TET2: variants seen among roughly 807,000 people sequenced by gnomAD.
The protein encoded by TET2 is tet methylcytosine dioxygenase 2, also known as methylcytosine dioxygenase TET2.
TET2 carries 299 observed loss-of-function variants against 142.9 expected under a neutral mutation model. The observed-to-expected ratio is 2.09, with a 90% CI of 1.90 to 2.30. TET2 has a LOEUF of 2.30. Among genes scored for constraint, TET2 ranks in the 30% most tolerant of loss-of-function variants. TET2 has a pLI of 0.00. For missense variants in TET2, 2,418 were observed against 2,378.0 expected (o/e 1.02, Z -0.35); for synonymous variants, 819 against 849.0 (o/e 0.96, Z 0.61).
intron 2 of TET2, among the ~76,000 whole-genome samples, chr4:105,220,551 C>T (rs1041545554): frequency 6.6e-6 from 1 of 152,140 alleles, no homozygotes; most frequent in African/African-American, 2.4e-5. Flanking sequence ...TCCCCCTCTA[C>T]CGTGAGCACC....
chr4:105,175,337 C>A (rs1724722576), intron 1 of TET2, among the ~76,000 whole-genome samples: 1 of 151,768 alleles, frequency 6.6e-6, no homozygotes, highest in Non-Finnish European at 1.5e-5. Context: ...AAATGACATA[C>A]AAGAACAGAT....
intron 1 of TET2, among the ~76,000 whole-genome samples, chr4:105,162,318 A>C (rs1723897277): frequency 6.6e-6 from 1 of 152,198 alleles, no homozygotes; most frequent in Admixed American, 6.5e-5. Flanking sequence ...GTTGTTTATC[A>C]GTGGGATACA....
intron 1 of TET2, among the ~76,000 whole-genome samples, chr4:105,166,012 T>C (rs1724132198): frequency 6.6e-6 from 1 of 152,200 alleles, no homozygotes; most frequent in Admixed American, 6.5e-5. Flanking sequence ...TCCATATCAT[T>C]ACTTCTTATT....
At chr4:105,184,836 T>G (rs186311788) in intron 1 of TET2, among the ~76,000 whole-genome samples, 1 of 152,234 alleles carries the variant, frequency 6.6e-6, no homozygotes. Context: ...AACTCCAGTC[T>G]CATCCCATTT....
chr4:105,203,262 T>C (rs1036934589), intron 2 of TET2, among the ~76,000 whole-genome samples: 3 of 152,214 alleles, frequency 2.0e-5, no homozygotes, highest in Non-Finnish European at 2.9e-5. Flanking sequence ...CATTCCTACA[T>C]TGACCATGTG....
chr4:105,238,309 A>G (rs1055892679), intron 3 of TET2: 4 of 238,454 alleles, frequency 1.7e-5, no homozygotes, highest in African/African-American at 8.9e-5. Context: ...GTGTGTGGCA[A>G]TTTCTTAAAA....
intron 2 of TET2, among the ~76,000 whole-genome samples, chr4:105,216,172 G>A (rs1327609989): frequency 6.6e-6 from 1 of 152,110 alleles, no homozygotes; most frequent in Admixed American, 6.6e-5. Context: ...GTATTTCTGG[G>A]GGAGGTAGAA....
intron 2 of TET2, among the ~76,000 whole-genome samples, chr4:105,197,158 T>C (rs1345762082): frequency 1.3e-5 from 2 of 152,184 alleles, no homozygotes; most frequent in African/African-American, 4.8e-5. Flanking sequence ...CAAAATTAAA[T>C]GTGTTGCAGT....
intron 2 of TET2, among the ~76,000 whole-genome samples, chr4:105,212,434 A>C (rs1393556102): frequency 1.3e-5 from 2 of 152,208 alleles, no homozygotes; most frequent in Non-Finnish European, 2.9e-5. Context: ...TTTACATATA[A>C]TGACTGGCAA....
chr4:105,267,613 T>TAAA (rs1730749488), intron 8 of TET2, among the ~76,000 whole-genome samples: 1 of 149,764 alleles, frequency 6.7e-6, no homozygotes, highest in Non-Finnish European at 1.5e-5. Context: ...AAAATGTTTT[T>TAAA]AAAAATATAT....
chr4:105,244,003 A>G (rs541776679), intron 6 of TET2, among the ~76,000 whole-genome samples: 72 of 152,352 alleles, frequency 4.7e-4, no homozygotes, highest in African/African-American at 1.6e-3. Flanking sequence ...AGGAGCAGTC[A>G]GAGTGTCTGT....
Position 105,237,091 on chromosome 4 carries a change from C to A in TET2, c.3149C>A (p.Ser1050Ter). The change falls in exon 3 of 11, where the codon TCA becomes TAA. Residue 1050 changes from serine to a stop codon, truncating the protein, a stop_gained. Coordinates refer to ENST00000380013, the MANE Select transcript of TET2 (RefSeq NM_001127208.3). LOFTEE classifies it high-confidence loss of function. ...LFDHKALTLK[S>*]QKQVKVEMSG... ...GACCATAAGGCTCTTACTCTCAAAT[C>A]ACAGAAGCAAGTAAAAGTTGAAATG... 6.2e-7 allele frequency: 1 copy of A among 1,614,130 alleles called. No homozygotes were observed. The highest frequency in any genetic ancestry group is 8.5e-7 in the Non-Finnish European group (1 of 1,180,018).
chr4:105,264,371 A>T (rs137994039), intron 8 of TET2, among the ~76,000 whole-genome samples: 1 of 152,180 alleles, frequency 6.6e-6, no homozygotes, highest in Non-Finnish European at 1.5e-5. Context: ...GAATGAGTCT[A>T]TGTTGCTAGA....
chr4:105,178,747 T>C (rs1724951665), intron 1 of TET2, among the ~76,000 whole-genome samples: 1 of 152,088 alleles, frequency 6.6e-6, no homozygotes, highest in African/African-American at 2.4e-5. Flanking sequence ...AAAAATTTAA[T>C]GCACATGTAC....
chr4:105,160,332 A>AT (rs577507152), intron 1 of TET2, among the ~76,000 whole-genome samples: 267 of 152,330 alleles, frequency 1.8e-3, no homozygotes, highest in African/African-American at 6.2e-3. Flanking sequence ...GCAAGTTGAA[A>AT]TAAAAAAAAA....
At chr4:105,225,437 G>T (rs1437609629) in intron 2 of TET2, among the ~76,000 whole-genome samples, 2 of 151,992 alleles carry the variant, frequency 1.3e-5, no homozygotes, top group Non-Finnish European at 2.9e-5. Context: ...TTAGGTCACT[G>T]GTTCTCCTCC....
At chr4:105,242,085 C>A in intron 4 of TET2, 1 of 1,212,174 alleles carries the variant, frequency 8.2e-7, no homozygotes, top group Non-Finnish European at 1.0e-6. Flanking sequence ...TCTAGGGTGC[C>A]TTTTCATTAA....
At position 105,276,835 on chromosome 4, in the gene TET2, T is replaced by TGGTGGGGGG; in HGVS notation, c.*317_*318insGTGGGGGGG. The TGGTGGGGGG allele has an allele frequency of 4.4e-6, 1 of 228,246 alleles. No individual in the cohort carries two copies. The highest frequency in any genetic ancestry group is 3.4e-5 in the African/African-American group (1 of 29,068). 14.1% of individuals were successfully genotyped at this position (228,246 alleles called of 1,614,324 possible). A position where few individuals can be genotyped will look rare whatever the true frequency, so the allele number is the denominator to read the frequency against. On this transcript the variant is annotated 3_prime_UTR_variant, in exon 11 of 11. Coordinates refer to ENST00000380013, the MANE Select transcript of TET2 (RefSeq NM_001127208.3). ...TATTGGACGAGATGATATGTAAATGTGATCCCCCCCCCCCGCTTACAACTC... is the reference window on the plus strand; with the variant it reads ...TATTGGACGAGATGATATGTAAATGTGGTGGGGGGGATCCCCCCCCCCCGCTTACAACTC...
At chr4:105,187,745 T>C (rs17508261) in intron 1 of TET2, among the ~76,000 whole-genome samples, 18,136 of 152,276 alleles carry the variant, frequency 0.12, 1,126 homozygotes, top group Middle Eastern at 0.19. Flanking sequence ...CTATTGCTTA[T>C]ACTTGAGTAC....
Sources: allele counts gnomAD v4.1 joint callset (sites outside exome capture counted in the v4.1 genomes callset), GRCh38; gene constraint gnomAD v4.1.1; transcripts MANE v1.5; gene names NCBI Gene and HGNC (gene_info 2026-07-23, HGNC 2026-07-21).